Variants in TSPEAR observed in about 807,000 individuals in gnomAD.
TSPEAR encodes thrombospondin type laminin G domain and EAR repeats.
Under a neutral mutation model 71.6 loss-of-function variants are expected in TSPEAR, and 69 were observed. The ratio of observed to expected loss-of-function variants is 0.96; its 90% confidence interval spans 0.79 to 1.18. The LOEUF (loss-of-function observed/expected upper bound fraction) is 1.18, where lower values mean the gene tolerates loss of function less well. TSPEAR is among the 50% of genes most tolerant of loss of function. The pLI is 0.00. For missense variants in TSPEAR, 971 were observed against 894.9 expected, an observed-to-expected ratio of 1.09 and a Z score of -1.09; for synonymous variants, 402 against 387.2, an observed-to-expected ratio of 1.04 and a Z score of -0.45.
chr21:44,515,748 G>A (rs1270851037), intron 9 of TSPEAR: 1 of 152,230 alleles, frequency 6.6e-6, no homozygotes, highest in Non-Finnish European at 1.5e-5. Flanking sequence ...GAAGCCCCGT[G>A]TTTTTCGGTA....
intron 2 of TSPEAR, among the ~76,000 whole-genome samples, chr21:44,543,401 CATGGAT>C (rs1247503717): frequency 2.0e-5 from 3 of 152,138 alleles, no homozygotes; most frequent in African/African-American, 7.2e-5. Flanking sequence ...TTTAAAAAGT[CATGGAT>C]TCATGTTATA....
At chr21:44,620,176 A>T (rs1982352672) in intron 1 of TSPEAR, among the ~76,000 whole-genome samples, 14 of 152,254 alleles carry the variant, frequency 9.2e-5, no homozygotes. Flanking sequence ...GGGTTTGGGC[A>T]CAGGGGTGGG....
chr21:44,538,001 C>T (rs975118465), intron 2 of TSPEAR, among the ~76,000 whole-genome samples: 6 of 152,332 alleles, frequency 3.9e-5, no homozygotes, highest in South Asian at 2.1e-4. Flanking sequence ...GCAGCAACCA[C>T]GCAGACCCCG....
chr21:44,501,761 TC>T (rs1365526232), intron 11 of TSPEAR, among the ~76,000 whole-genome samples: 1 of 151,554 alleles, frequency 6.6e-6, no homozygotes, highest in African/African-American at 2.4e-5. Flanking sequence ...TGAGACCCTG[TC>T]CCCCCCAAAA....
intron 1 of TSPEAR, among the ~76,000 whole-genome samples, chr21:44,703,920 C>G (rs1173183749): frequency 1.3e-5 from 2 of 152,188 alleles, no homozygotes; most frequent in Non-Finnish European, 2.9e-5. Context: ...TGCAGTGGAG[C>G]TGGAACCGGC....
At chr21:44,556,629 T>TTGCA (rs2053534922) in intron 2 of TSPEAR, among the ~76,000 whole-genome samples, 1 of 151,826 alleles carries the variant, frequency 6.6e-6, no homozygotes, top group South Asian at 2.1e-4. Flanking sequence ...GAGGTGGAGG[T>TTGCA]TGCAGTGAGC....
At chr21:44,677,469 G>A (rs782459979) in intron 1 of TSPEAR, 16 of 838,196 alleles carry the variant, frequency 1.9e-5, no homozygotes, top group Middle Eastern at 5.8e-4. Flanking sequence ...CTTGGCTAGA[G>A]ACTCAGTTTT....
chr21:44,635,345 CAAAA>C (rs56054652), intron 1 of TSPEAR, among the ~76,000 whole-genome samples: 29 of 83,882 alleles, frequency 3.5e-4, no homozygotes, highest in Non-Finnish European at 4.2e-4. Flanking sequence ...GACTCTGTCT[CAAAA>C]AAAAAAAAAA....
intron 10 of TSPEAR, chr21:44,508,244 C>T (rs2052252292): frequency 6.3e-6 from 1 of 157,878 alleles, no homozygotes; most frequent in South Asian, 2.0e-4. Flanking sequence ...GATTTCACTG[C>T]ACCTCACCCA....
intron 1 of TSPEAR, among the ~76,000 whole-genome samples, chr21:44,604,287 C>T (rs1981171196): frequency 1.3e-5 from 2 of 152,102 alleles, no homozygotes; most frequent in South Asian, 4.2e-4. Flanking sequence ...CATTGATGAC[C>T]TTCACCCACA....
chr21:44,699,929 C>T (rs1555951319), intron 1 of TSPEAR, among the ~76,000 whole-genome samples: 1 of 152,224 alleles, frequency 6.6e-6, no homozygotes, highest in African/African-American at 2.4e-5. Context: ...CCTGCCCTGG[C>T]CCTGCCATCT....
At chr21:44,598,419 C>T (rs1980516289) in intron 1 of TSPEAR, among the ~76,000 whole-genome samples, 1 of 152,120 alleles carries the variant, frequency 6.6e-6, no homozygotes, top group South Asian at 2.1e-4. Context: ...TGGGAGACAC[C>T]CTCCTGCACA....
At chr21:44,512,866 C>T (rs587599806) in intron 9 of TSPEAR, among the ~76,000 whole-genome samples, 16 of 152,226 alleles carry the variant, frequency 1.1e-4, no homozygotes, top group South Asian at 8.3e-4. Flanking sequence ...GGTGCTGCTA[C>T]GAAGCAGAGC....
At chr21:44,524,892 TAATC>T (rs1342320538) in intron 8 of TSPEAR, among the ~76,000 whole-genome samples, 1 of 151,198 alleles carries the variant, frequency 6.6e-6, no homozygotes, top group Non-Finnish European at 1.5e-5. Flanking sequence ...GTTAGTCAGG[TAATC>T]AGTCAGTCAG....
At chr21:44,515,904 A>G (rs2052551600) in intron 9 of TSPEAR, 1 of 152,230 alleles carries the variant, frequency 6.6e-6, no homozygotes, top group African/African-American at 2.4e-5. Flanking sequence ...AGACCCCACC[A>G]TGGTGTGAGG....
At chr21:44,555,680 C>T (rs1427997093) in intron 2 of TSPEAR, among the ~76,000 whole-genome samples, 2 of 152,084 alleles carry the variant, frequency 1.3e-5, no homozygotes, top group African/African-American at 4.8e-5. Flanking sequence ...TCCCACCCCC[C>T]TTCACAAGCA....
intron 3 of TSPEAR, 70 bp from the exon 4 acceptor site, chr21:44,531,203 A>AG: frequency 7.9e-7 from 1 of 1,266,514 alleles, no homozygotes; most frequent in Non-Finnish European, 1.1e-6. Context: ...CAGAAGGAAC[A>AG]GGAACAAGCC....
intron 11 of TSPEAR, among the ~76,000 whole-genome samples, chr21:44,500,413 G>A (rs2052008845): frequency 6.6e-6 from 1 of 152,276 alleles, no homozygotes; most frequent in Non-Finnish European, 1.5e-5. Context: ...CTGGGCGGCT[G>A]CTGGCCGCCA....
At position 44,499,343 on chromosome 21, in the gene TSPEAR, AC is replaced by A. The variant is rs1263428104; in HGVS notation, c.*439del. On this transcript the variant is annotated 3_prime_UTR_variant, in exon 12 of 12. Transcript: ENST00000323084. ...ATAAATACACTTCCGTTCAGATAAA[AC>A]ACAATAAATAGGTGGCGGCAATGGC... 5.9e-6 allele frequency: 1 copy of A among 170,048 alleles called. No individual in the cohort carries two copies. Among genetic ancestry groups the A allele is most frequent in the Non-Finnish European group, 1.3e-5 (1 of 78,992 alleles). The allele number at this position is 170,048 out of a possible 1,614,324, so 10.5% of individuals were successfully genotyped here.
Sources: gnomAD v4.1 joint callset for allele counts (sites outside exome capture counted in the v4.1 genomes callset) on GRCh38, gnomAD v4.1.1 for gene constraint, MANE v1.5 for transcripts, NCBI Gene and HGNC (gene_info 2026-07-23, HGNC 2026-07-21) for gene names.